SLC10A7: variants seen among roughly 807,000 people sequenced by gnomAD.
SLC10A7 encodes the protein sodium/bile acid cotransporter 7.
Under a neutral mutation model 43.2 loss-of-function variants are expected in SLC10A7, and 29 were observed. The ratio of observed to expected loss-of-function variants is 0.67; its 90% confidence interval spans 0.50 to 0.92. The LOEUF is 0.92. Among genes scored for constraint, SLC10A7 ranks in the 40% least tolerant of loss-of-function variants. The probability of loss-of-function intolerance (pLI) is 0.00; values close to 1 mark genes in which losing one functional copy is unlikely to be tolerated. For synonymous variants in SLC10A7, 152 were observed against 144.8 expected (o/e 1.05, Z -0.35); for missense variants, 295 against 403.2 (o/e 0.73, Z 2.30).
intron 10 of SLC10A7, among the ~76,000 whole-genome samples, chr4:146,279,659 TTG>T (rs1469845475): frequency 9.2e-5 from 14 of 152,180 alleles, no homozygotes; most frequent in Non-Finnish European, 1.5e-4. Flanking sequence ...CCCTGTAGTA[TTG>T]TTTTAGATGA....
At chr4:146,260,089 C>T (rs564587331) in intron 10 of SLC10A7, among the ~76,000 whole-genome samples, 8 of 152,300 alleles carry the variant, frequency 5.3e-5, no homozygotes, top group Non-Finnish European at 1.0e-4. Context: ...TTGCCATAAA[C>T]TGAAAACACT....
chr4:146,366,324 C>G (rs1736389098), intron 5 of SLC10A7, among the ~76,000 whole-genome samples: 1 of 152,130 alleles, frequency 6.6e-6, no homozygotes, highest in Non-Finnish European at 1.5e-5. Flanking sequence ...AATCAAACAC[C>G]TTACATTCTG....
intron 11 of SLC10A7, chr4:146,256,930 G>A: frequency 1.3e-6 from 2 of 1,535,062 alleles, no homozygotes; most frequent in Non-Finnish European, 1.7e-6. Context: ...CTGGTTTGGA[G>A]TAGTTTCTAC....
At position 146,509,884 on chromosome 4, in the gene SLC10A7, T is replaced by G. The variant is rs566245521; in HGVS notation, c.320+29A>C. The G allele has an allele frequency of 6.3e-6, 10 of 1,599,288 alleles. No homozygotes were observed. The South Asian group carries it at 1.1e-4, about 18-fold the overall frequency. ...GTCTCTAGAGATGCCCCATTAAAAG[T>G]GGACCCACTTTTAAAGATTTAAACA... On this transcript the variant is annotated intron_variant, in intron 3 of 11. Transcript: ENST00000335472.
chr4:146,328,090 C>G (rs553377715), intron 5 of SLC10A7, among the ~76,000 whole-genome samples: 2 of 152,300 alleles, frequency 1.3e-5, no homozygotes, highest in East Asian at 3.9e-4. Flanking sequence ...CAAGAGAAGC[C>G]CACCCTGCCT....
At chr4:146,281,284 T>C (rs1432647469) in intron 10 of SLC10A7, among the ~76,000 whole-genome samples, 3 of 152,034 alleles carry the variant, frequency 2.0e-5, no homozygotes, top group Non-Finnish European at 2.9e-5. Flanking sequence ...TGCGTTTTGC[T>C]CTTTGTTCAG....
intron 5 of SLC10A7, among the ~76,000 whole-genome samples, chr4:146,344,212 TCA>T (rs1219603617): frequency 6.6e-6 from 1 of 151,994 alleles, no homozygotes; most frequent in African/African-American, 2.4e-5. Context: ...TATGCAGAAA[TCA>T]CAGTTTACTT....
At chr4:146,391,231 T>C (rs1009021879) in intron 5 of SLC10A7, among the ~76,000 whole-genome samples, 8 of 152,240 alleles carry the variant, frequency 5.3e-5, no homozygotes, top group African/African-American at 1.9e-4. Context: ...AGTTCTCATA[T>C]ACATATTATA....
intron 6 of SLC10A7, among the ~76,000 whole-genome samples, chr4:146,322,426 G>A (rs1265736386): frequency 3.0e-5 from 4 of 133,864 alleles, no homozygotes; most frequent in Non-Finnish European, 6.1e-5. Context: ...GTGTCCATGT[G>A]TTCTCATTGT....
At chr4:146,407,370 T>C (rs1727795910) in intron 5 of SLC10A7, among the ~76,000 whole-genome samples, 1 of 152,362 alleles carries the variant, frequency 6.6e-6, no homozygotes, top group East Asian at 1.9e-4. Flanking sequence ...TTGTATCCCA[T>C]TGTTGCTCTT....
chr4:146,411,586 G>A (rs1579118663), intron 5 of SLC10A7, among the ~76,000 whole-genome samples: 1 of 152,196 alleles, frequency 6.6e-6, no homozygotes, highest in East Asian at 1.9e-4. Context: ...TGTTACTAAT[G>A]TATACAATTA....
chr4:146,412,882 T>C (rs1249675339), intron 5 of SLC10A7, among the ~76,000 whole-genome samples: 2 of 152,240 alleles, frequency 1.3e-5, no homozygotes, highest in African/African-American at 2.4e-5. Context: ...CCCTCTCTAT[T>C]TGAATGTAAA....
chr4:146,402,890 G>A (rs1158075528), intron 5 of SLC10A7, among the ~76,000 whole-genome samples: 1 of 152,130 alleles, frequency 6.6e-6, no homozygotes, highest in African/African-American at 2.4e-5. Context: ...GTATGTAGTG[G>A]TTAAGAGCAC....
intron 5 of SLC10A7, among the ~76,000 whole-genome samples, chr4:146,394,653 T>C (rs977936142): frequency 6.6e-6 from 1 of 152,140 alleles, no homozygotes; most frequent in African/African-American, 2.4e-5. Context: ...TGAACCACCG[T>C]GCCCAGCCCC....
At chr4:146,335,695 A>G (rs1018493890) in intron 5 of SLC10A7, among the ~76,000 whole-genome samples, 1 of 152,064 alleles carries the variant, frequency 6.6e-6, no homozygotes, top group South Asian at 2.1e-4. Context: ...TAATATTTCC[A>G]TACAAGGAAA....
In SLC10A7 at chr4:146,339,331, C is replaced by T. The variant is rs143076930; in HGVS notation, c.436-13335G>A. Among the ~76,000 whole-genome samples, 1,185 of 152,012 alleles carry T rather than the reference C, an allele frequency of 7.8e-3. 12 individuals are homozygous for T. Among genetic ancestry groups the T allele is most frequent in the African/African-American group, 0.027 (1,136 of 41,496 alleles). ...ACACTGCTGTTAGATCTAGCTGTGA[C>T]GATCAATACTGAGTATAAGATGGAC... is the stretch of plus-strand genomic sequence containing the variant. On this transcript the variant is annotated intron_variant, in intron 5 of 11. Transcript: ENST00000335472.
At chr4:146,490,306 T>TCAAAAA (rs1735277648) in intron 4 of SLC10A7, among the ~76,000 whole-genome samples, 1 of 151,972 alleles carries the variant, frequency 6.6e-6, no homozygotes, top group East Asian at 1.9e-4. Context: ...ATGCAATGAG[T>TCAAAAA]ATTCATGAGG....
At chr4:146,272,607 A>T (rs540520360) in intron 10 of SLC10A7, among the ~76,000 whole-genome samples, 1 of 152,242 alleles carries the variant, frequency 6.6e-6, no homozygotes, top group South Asian at 2.1e-4. Flanking sequence ...AACTTCTAGG[A>T]AGAGACATGA....
chr4:146,366,825 G>C (rs1416240487), intron 5 of SLC10A7, among the ~76,000 whole-genome samples: 2 of 152,094 alleles, frequency 1.3e-5, no homozygotes, highest in African/African-American at 4.8e-5. Flanking sequence ...AGTCACTGCA[G>C]CTCCTTACAG....
Sources: allele counts gnomAD v4.1 joint callset (sites outside exome capture counted in the v4.1 genomes callset), GRCh38; gene constraint gnomAD v4.1.1; transcripts MANE v1.5; gene names NCBI Gene and HGNC (gene_info 2026-07-23, HGNC 2026-07-21).